GRIN2B: variants seen among roughly 807,000 people sequenced by gnomAD.
GRIN2B encodes glutamate receptor ionotropic, NMDA 2B.
GRIN2B carries 5 observed loss-of-function variants against 114.5 expected under a neutral mutation model. That is an observed-to-expected ratio of 0.04 (90% confidence interval 0.02 to 0.09). The LOEUF is 0.09. Ranked by LOEUF, GRIN2B falls within the 10% of genes least tolerant of loss-of-function variation. GRIN2B has a pLI of 1.00. For missense variants in GRIN2B, 1,108 were observed against 1,943.5 expected, an observed-to-expected ratio of 0.57 and a Z score of 8.08; for synonymous variants, 787 against 745.1, an observed-to-expected ratio of 1.06 and a Z score of -0.92.
At chr12:13,714,311 C>T (rs944984587) in intron 4 of GRIN2B, among the ~76,000 whole-genome samples, 1 of 151,896 alleles carries the variant, frequency 6.6e-6, no homozygotes, top group Admixed American at 6.6e-5. Context: ...CAGTAAGATA[C>T]TTCCTCTGAT....
At chr12:13,840,331 T>A (rs1200937949) in intron 3 of GRIN2B, among the ~76,000 whole-genome samples, 2 of 152,144 alleles carry the variant, frequency 1.3e-5, no homozygotes, top group Admixed American at 6.5e-5. Context: ...TAGGTAAAAA[T>A]TCCAAGGCTG....
intron 4 of GRIN2B, among the ~76,000 whole-genome samples, chr12:13,701,120 G>A (rs911830634): frequency 3.0e-4 from 45 of 152,074 alleles, no homozygotes; most frequent in African/African-American, 8.9e-4. Flanking sequence ...ATAAAACGTC[G>A]GATCTCAAGA....
At chr12:13,914,158 A>G (rs1206608685) in intron 2 of GRIN2B, among the ~76,000 whole-genome samples, 1 of 152,154 alleles carries the variant, frequency 6.6e-6, no homozygotes, top group African/African-American at 2.4e-5. Context: ...AACTGGGGCA[A>G]CCAGGTCAAT....
chr12:13,708,814 G>A (rs1313159245), intron 4 of GRIN2B, among the ~76,000 whole-genome samples: 1 of 151,948 alleles, frequency 6.6e-6, no homozygotes, highest in Admixed American at 6.6e-5. Context: ...TTGTTTATTA[G>A]CTTTTTCATT....
intron 2 of GRIN2B, among the ~76,000 whole-genome samples, chr12:13,918,670 G>T (rs1237045610): frequency 6.6e-6 from 1 of 152,182 alleles, no homozygotes; most frequent in Non-Finnish European, 1.5e-5. Context: ...TAGGAGAAAA[G>T]AAAATGTATT....
chr12:13,971,457 T>G (rs1862912032), intron 2 of GRIN2B, among the ~76,000 whole-genome samples: 1 of 152,134 alleles, frequency 6.6e-6, no homozygotes, highest in Admixed American at 6.6e-5. Context: ...AAAGTTACAG[T>G]CAGAGAAGAA....
intron 2 of GRIN2B, among the ~76,000 whole-genome samples, chr12:13,956,523 A>G (rs73303061): frequency 0.029 from 4,401 of 152,244 alleles, 79 homozygotes; most frequent in African/African-American, 0.044. Context: ...ATTCTGTTCT[A>G]TAAGCCTCTG....
chr12:13,957,201 C>G (rs946399387), intron 2 of GRIN2B, among the ~76,000 whole-genome samples: 2 of 152,142 alleles, frequency 1.3e-5, no homozygotes, highest in Non-Finnish European at 2.9e-5. Flanking sequence ...GGACTCGGCT[C>G]AGCTGCAACA....
chr12:13,656,573 T>G (rs1949866485), intron 5 of GRIN2B, among the ~76,000 whole-genome samples: 1 of 152,182 alleles, frequency 6.6e-6, no homozygotes, highest in African/African-American at 2.4e-5. Flanking sequence ...ACTGAGAATT[T>G]TACTAAATTT....
chr12:13,573,223 G>A (rs1323257449), intron 10 of GRIN2B, among the ~76,000 whole-genome samples: 8 of 149,246 alleles, frequency 5.4e-5, no homozygotes, highest in African/African-American at 1.0e-4. Flanking sequence ...AGGCCGAGGC[G>A]GGCGGATCAC....
intron 10 of GRIN2B, among the ~76,000 whole-genome samples, chr12:13,607,385 A>T (rs1565473799): frequency 1.6e-4 from 11 of 69,114 alleles, no homozygotes; most frequent in African/African-American, 6.3e-4. Context: ...TATATATATA[A>T]TATATATTAT....
chr12:13,582,439 AC>A (rs1313156285), intron 10 of GRIN2B, among the ~76,000 whole-genome samples: 1 of 152,238 alleles, frequency 6.6e-6, no homozygotes, highest in Non-Finnish European at 1.5e-5. Flanking sequence ...ACATTTTGCT[AC>A]TGCCAAAAAG....
intron 2 of GRIN2B, among the ~76,000 whole-genome samples, chr12:13,961,661 G>A (rs2136862087): frequency 6.6e-6 from 1 of 152,260 alleles, no homozygotes; most frequent in African/African-American, 2.4e-5. Flanking sequence ...CACTTACAAT[G>A]AAAAATCTAA....
At chr12:13,616,702 AT>A (rs1405803103) in intron 5 of GRIN2B, 45 bp from the exon 6 acceptor site, 1 of 1,434,982 alleles carries the variant, frequency 7.0e-7, no homozygotes, top group South Asian at 1.1e-5. Flanking sequence ...TGGCCACAAC[AT>A]AACAAACAGC....
At position 13,552,409 on chromosome 12, in the gene GRIN2B, A is replaced by C. The variant is rs1167422039; in HGVS notation, c.*10374T>G. ...GGGGGAACCATGTGCCTCACATGTCAGCTTCTGGCTTTATTGGTGACACAA... is the reference window on the plus strand; with the variant it reads ...GGGGGAACCATGTGCCTCACATGTCCGCTTCTGGCTTTATTGGTGACACAA... On this transcript the variant is annotated 3_prime_UTR_variant, in exon 14 of 14. Transcript: ENST00000609686. 1.3e-5 allele frequency: 2 copies of C among 152,204 alleles called. No individual in the cohort carries two copies. The highest frequency in any genetic ancestry group is 4.8e-5 in the African/African-American group (2 of 41,448). The allele number at this position is 152,204 out of a possible 1,614,324, so 9.4% of individuals were successfully genotyped here.
At chr12:13,878,811 C>T (rs768296334) in intron 2 of GRIN2B, among the ~76,000 whole-genome samples, 8 of 152,114 alleles carry the variant, frequency 5.3e-5, no homozygotes, top group Non-Finnish European at 8.8e-5. Context: ...AGAGAACAAC[C>T]GTCGGGAGCC....
chr12:13,605,776 G>T (rs1000560794), intron 10 of GRIN2B, among the ~76,000 whole-genome samples: 1 of 152,142 alleles, frequency 6.6e-6, no homozygotes, highest in African/African-American at 2.4e-5. Flanking sequence ...AAAACATTCA[G>T]TTGTTACTGC....
At chr12:13,865,688 G>A in intron 3 of GRIN2B, 110 bp downstream of exon 3, 1 of 908,822 alleles carries the variant, frequency 1.1e-6, no homozygotes, top group Non-Finnish European at 1.8e-6. Context: ...CGCTGTCAAT[G>A]CAATCTGGTT....
At chr12:13,664,602 T>C (rs1949956721) in intron 5 of GRIN2B, among the ~76,000 whole-genome samples, 1 of 152,202 alleles carries the variant, frequency 6.6e-6, no homozygotes, top group Non-Finnish European at 1.5e-5. Context: ...CAGCCACATG[T>C]GAGGAAACAC....
Sources: allele counts gnomAD v4.1 joint callset (sites outside exome capture counted in the v4.1 genomes callset), GRCh38; gene constraint gnomAD v4.1.1; transcripts MANE v1.5; gene names NCBI Gene and HGNC (gene_info 2026-07-23, HGNC 2026-07-21).